C7orf78: variants seen among roughly 807,000 people sequenced by gnomAD.
C7orf78 encodes the protein chromosome 7 open reading frame 78, also known as putative uncharacterized protein C7orf78.
At chr7:12,529,089 C>G in the C7orf78 span, 1 of 398,226 alleles carries the variant, frequency 2.5e-6, no homozygotes, top group Non-Finnish European at 4.4e-6. Context: ...GTCTCCAGCA[C>G]TGTTGTCGAC....
chr7:12,499,113 C>G, the C7orf78 span, among the ~76,000 whole-genome samples: 2 of 152,118 alleles, frequency 1.3e-5, no homozygotes, highest in Non-Finnish European at 2.9e-5. Flanking sequence ...ACAACCGGTA[C>G]CAGCCACTGC....
the C7orf78 span, among the ~76,000 whole-genome samples, chr7:12,519,009 A>C: frequency 6.6e-6 from 1 of 152,078 alleles, no homozygotes; most frequent in Non-Finnish European, 1.5e-5. Context: ...CTGGATTGGC[A>C]CAGGGAGTCT....
chr7:12,501,497 T>G, the C7orf78 span, among the ~76,000 whole-genome samples: 2 of 151,444 alleles, frequency 1.3e-5, no homozygotes, highest in Non-Finnish European at 2.9e-5. Context: ...TCAAAGAGAA[T>G]AAAATACCTA....
chr7:12,533,290 TC>T, the C7orf78 span, among the ~76,000 whole-genome samples: 1 of 152,038 alleles, frequency 6.6e-6, no homozygotes, highest in African/African-American at 2.4e-5. Context: ...AACTTTCACC[TC>T]CCAGGTTCAA....
chr7:12,502,664 A>G, the C7orf78 span, among the ~76,000 whole-genome samples: 13 of 152,170 alleles, frequency 8.5e-5, no homozygotes, highest in African/African-American at 3.1e-4. Flanking sequence ...CCATTGTAGA[A>G]GTTGGTGTGG....
chr7:12,500,607 G>A, the C7orf78 span, among the ~76,000 whole-genome samples: 1 of 151,410 alleles, frequency 6.6e-6, no homozygotes, highest in Non-Finnish European at 1.5e-5. Context: ...CAACCAAAAA[G>A]AGTCCAGGAC....
chr7:12,519,140 G>T, the C7orf78 span, among the ~76,000 whole-genome samples: 1 of 152,016 alleles, frequency 6.6e-6, no homozygotes, highest in Admixed American at 6.6e-5. Flanking sequence ...CATACTGCAG[G>T]GGGACAGGGT....
the C7orf78 span, among the ~76,000 whole-genome samples, chr7:12,513,332 G>A: frequency 6.6e-6 from 1 of 150,672 alleles, no homozygotes; most frequent in Non-Finnish European, 1.5e-5. Flanking sequence ...TAAAATCTTT[G>A]TTTTTTTGGT....
At chr7:12,513,639 G>T in the C7orf78 span, among the ~76,000 whole-genome samples, 1 of 152,034 alleles carries the variant, frequency 6.6e-6, no homozygotes, top group Non-Finnish European at 1.5e-5. Context: ...TTTAAAATTT[G>T]TTATGACATC....
chr7:12,512,515 T>C, the C7orf78 span, among the ~76,000 whole-genome samples: 1 of 152,204 alleles, frequency 6.6e-6, no homozygotes, highest in South Asian at 2.1e-4. Context: ...TGTTGAACCA[T>C]CTTTTCAGCC....
chr7:12,497,089 G>A, the C7orf78 span, among the ~76,000 whole-genome samples: 1 of 152,174 alleles, frequency 6.6e-6, no homozygotes, highest in Non-Finnish European at 1.5e-5. Context: ...TTTATATTCC[G>A]TTAGAAAAAT....
chr7:12,537,518 G>A, the C7orf78 span, among the ~76,000 whole-genome samples: 1 of 152,150 alleles, frequency 6.6e-6, no homozygotes, highest in African/African-American at 2.4e-5. Context: ...CACTGCTTGA[G>A]GGGGAAGAAT....
At chr7:12,496,792 A>G in the C7orf78 span, among the ~76,000 whole-genome samples, 1 of 152,216 alleles carries the variant, frequency 6.6e-6, no homozygotes, top group Non-Finnish European at 1.5e-5. Context: ...ATCTCTATGC[A>G]AAAAACAATG....
chr7:12,507,406 G>T, the C7orf78 span: 1 of 181,758 alleles, frequency 5.5e-6, no homozygotes, highest in South Asian at 1.4e-4. Flanking sequence ...CAGCCATGAG[G>T]CCAGCACTAA....
chr7:12,536,241 G>T, the C7orf78 span, among the ~76,000 whole-genome samples: 1 of 152,146 alleles, frequency 6.6e-6, no homozygotes, highest in Non-Finnish European at 1.5e-5. Flanking sequence ...CTGAAATCTA[G>T]TCGGAGGCTC....
chr7:12,518,128 C>A, the C7orf78 span, among the ~76,000 whole-genome samples: 1 of 152,096 alleles, frequency 6.6e-6, no homozygotes, highest in Non-Finnish European at 1.5e-5. Flanking sequence ...GATTTCTTTG[C>A]CTACAAACAA....
the C7orf78 span, chr7:12,528,867 A>T: frequency 5.0e-6 from 2 of 398,180 alleles, no homozygotes; most frequent in Non-Finnish European, 8.9e-6. Flanking sequence ...GACACGTGCC[A>T]TTGCTAAGCC....
the C7orf78 span, among the ~76,000 whole-genome samples, chr7:12,499,110 GT>G: frequency 6.6e-6 from 1 of 152,086 alleles, no homozygotes; most frequent in Non-Finnish European, 1.5e-5. Context: ...GGAACAACCG[GT>G]ACCAGCCACT....
chr7:12,539,243 T>C, the C7orf78 span, among the ~76,000 whole-genome samples: 2 of 152,048 alleles, frequency 1.3e-5, no homozygotes, highest in African/African-American at 4.8e-5. Context: ...GGTGGGCGGA[T>C]CGTGAGGTCA....
Sources: allele counts gnomAD v4.1 joint callset (sites outside exome capture counted in the v4.1 genomes callset), GRCh38; gene constraint gnomAD v4.1.1; transcripts MANE v1.5; gene names NCBI Gene and HGNC (gene_info 2026-07-23, HGNC 2026-07-21).